The following RAB6B variants were observed in gnomAD, a reference collection of about 807,000 sequenced individuals.
The protein encoded by RAB6B is RAB6B, member RAS oncogene family, also known as ras-related protein Rab-6B.
In RAB6B, 7 loss-of-function variants were observed where a neutral mutation model predicts 31.2. The observed-to-expected ratio is 0.22, with a 90% CI of 0.13 to 0.42. The LOEUF is 0.42. Among genes scored for constraint, RAB6B ranks in the 10% least tolerant of loss-of-function variants. RAB6B has a pLI of 1.00. For missense variants in RAB6B, 149 were observed against 280.6 expected (o/e 0.53, Z 3.35); for synonymous variants, 105 against 104.9 (o/e 1.00, Z -0.01).
At position 133,828,146 on chromosome 3, in the gene RAB6B, A is replaced by G. The variant is rs181977452; in HGVS notation, c.*642T>C. 3.8e-4 allele frequency: 230 copies of G among 604,428 alleles called. No homozygotes were observed. Among genetic ancestry groups the G allele is most frequent in the Non-Finnish European group, 6.2e-4 (210 of 337,628 alleles). 37.4% of individuals were successfully genotyped at this position (604,428 alleles called of 1,614,324 possible). A position where few individuals can be genotyped will look rare whatever the true frequency, so the allele number is the denominator to read the frequency against. On this transcript the variant is annotated 3_prime_UTR_variant, in exon 8 of 8. Transcript: ENST00000285208. ...CTGCCGGGCTGCCTAGAGCCCACAG[A>G]CCTTGGTCTCAGCTCCACACGAGGT...
intron 2 of RAB6B, among the ~76,000 whole-genome samples, chr3:133,861,427 C>T (rs1013392385): frequency 3.9e-5 from 6 of 152,122 alleles, no homozygotes; most frequent in Admixed American, 6.5e-5. Context: ...GACCTGCTCC[C>T]CTGAGGCATC....
intron 2 of RAB6B, among the ~76,000 whole-genome samples, chr3:133,858,442 C>T (rs867660796): frequency 2.0e-5 from 3 of 152,210 alleles, no homozygotes; most frequent in Non-Finnish European, 2.9e-5. Flanking sequence ...GTCATCTCCT[C>T]ACAGCTCTGG....
intron 2 of RAB6B, among the ~76,000 whole-genome samples, chr3:133,847,813 T>C (rs1184458347): frequency 6.6e-6 from 1 of 152,236 alleles, no homozygotes; most frequent in African/African-American, 2.4e-5. Context: ...TCCTCTTCTA[T>C]GGCATTTGTT....
At chr3:133,861,195 A>C (rs375900895) in intron 2 of RAB6B, among the ~76,000 whole-genome samples, 1 of 152,220 alleles carries the variant, frequency 6.6e-6, no homozygotes, top group Admixed American at 6.5e-5. Context: ...TTCTATCATA[A>C]ATTTTGAAAA....
chr3:133,841,776 T>C (rs1215425154), intron 2 of RAB6B, 113 bp from the exon 3 acceptor site: 8 of 1,024,726 alleles, frequency 7.8e-6, no homozygotes, highest in Non-Finnish European at 1.2e-5. Flanking sequence ...TCATGTCAGG[T>C]CTAATGTGGC....
intron 4 of RAB6B, 106 bp downstream of exon 4, chr3:133,841,171 TGCGTGTGC>T (rs1480896182): frequency 2.9e-6 from 2 of 694,528 alleles, no homozygotes; most frequent in Non-Finnish European, 4.7e-6. Flanking sequence ...CGCACACACA[TGCGTGTGC>T]ACACACATGC....
intron 2 of RAB6B, among the ~76,000 whole-genome samples, chr3:133,862,401 CA>C (rs1936172452): frequency 6.6e-6 from 1 of 152,202 alleles, no homozygotes; most frequent in Admixed American, 6.5e-5. Flanking sequence ...GAGCCAGATG[CA>C]CACAGGAGCT....
chr3:133,887,047 C>T (rs891485984), intron 1 of RAB6B, among the ~76,000 whole-genome samples: 1 of 150,132 alleles, frequency 6.7e-6, no homozygotes, highest in African/African-American at 2.4e-5. Context: ...GGGCTGGGGC[C>T]GGGTCTCTAA....
intron 6 of RAB6B, among the ~76,000 whole-genome samples, chr3:133,837,549 C>T (rs576234279): frequency 2.0e-5 from 3 of 152,312 alleles, no homozygotes; most frequent in South Asian, 2.1e-4. Context: ...TTCAGTGCTA[C>T]GGACGGGTCA....
intron 4 of RAB6B, 116 bp downstream of exon 4, chr3:133,841,169 C>T: frequency 1.5e-6 from 1 of 683,446 alleles, no homozygotes; most frequent in Non-Finnish European, 2.4e-6. Flanking sequence ...ATCGCACACA[C>T]ATGCGTGTGC....
intron 1 of RAB6B, among the ~76,000 whole-genome samples, chr3:133,868,364 GTAGCATGGGGCATCC>G (rs1936268786): frequency 6.6e-6 from 1 of 152,242 alleles, no homozygotes; most frequent in South Asian, 2.1e-4. Flanking sequence ...CAGAGGAGCA[GTAGCATGGGGCATCC>G]CAGCAGGCCT....
chr3:133,885,204 C>T (rs1936528074), intron 1 of RAB6B, among the ~76,000 whole-genome samples: 1 of 150,816 alleles, frequency 6.6e-6, no homozygotes, highest in Non-Finnish European at 1.5e-5. Context: ...CATCCAACAG[C>T]CAGAGGATGG....
intron 2 of RAB6B, among the ~76,000 whole-genome samples, chr3:133,860,924 C>T (rs902112031): frequency 3.3e-5 from 5 of 152,304 alleles, no homozygotes; most frequent in Admixed American, 6.5e-5. Flanking sequence ...TGCTAATACC[C>T]GAGCCCGTGA....
At chr3:133,859,355 C>T (rs1456898188) in intron 2 of RAB6B, among the ~76,000 whole-genome samples, 9 of 152,168 alleles carry the variant, frequency 5.9e-5, no homozygotes, top group African/African-American at 2.2e-4. Flanking sequence ...GAAAAAAGTG[C>T]TCAGTAACCT....
intron 1 of RAB6B, among the ~76,000 whole-genome samples, chr3:133,893,012 T>C (rs1170573887): frequency 6.6e-6 from 1 of 152,210 alleles, no homozygotes; most frequent in African/African-American, 2.4e-5. Flanking sequence ...AAACAGGCTT[T>C]TCAGGGCCTT....
At chr3:133,882,267 G>A (rs1936479068) in intron 1 of RAB6B, among the ~76,000 whole-genome samples, 1 of 152,110 alleles carries the variant, frequency 6.6e-6, no homozygotes, top group South Asian at 2.1e-4. Flanking sequence ...ATCATGGGAG[G>A]GACTATCCCA....
At chr3:133,834,319 C>G (rs1202314659) in intron 7 of RAB6B, among the ~76,000 whole-genome samples, 3 of 152,174 alleles carry the variant, frequency 2.0e-5, no homozygotes, top group Non-Finnish European at 2.9e-5. Flanking sequence ...CTCCCCACCC[C>G]ACAGCATCAC....
intron 1 of RAB6B, among the ~76,000 whole-genome samples, chr3:133,877,749 AC>A (rs1399274835): frequency 8.7e-5 from 13 of 148,606 alleles, no homozygotes; most frequent in African/African-American, 2.9e-4. Flanking sequence ...ATATATTATA[AC>A]TGTTATATAA....
chr3:133,834,803 C>G (rs895862861), intron 6 of RAB6B, among the ~76,000 whole-genome samples, 162 bp from the exon 7 acceptor site: 1 of 152,112 alleles, frequency 6.6e-6, no homozygotes, highest in Non-Finnish European at 1.5e-5. Flanking sequence ...TGCCTATGTT[C>G]TCTCTCCCCC....
Sources: gnomAD v4.1 joint callset for allele counts (sites outside exome capture counted in the v4.1 genomes callset) on GRCh38, gnomAD v4.1.1 for gene constraint, MANE v1.5 for transcripts, NCBI Gene and HGNC (gene_info 2026-07-23, HGNC 2026-07-21) for gene names.